Variants in POLG observed in about 807,000 individuals in gnomAD.
The protein encoded by POLG is DNA polymerase gamma, catalytic subunit, also known as DNA polymerase subunit gamma-1.
POLG carries 110 observed loss-of-function variants against 155.4 expected under a neutral mutation model. The observed-to-expected ratio is 0.71, with a 90% CI of 0.61 to 0.83. The LOEUF (loss-of-function observed/expected upper bound fraction) is 0.83. Ranked by LOEUF, POLG falls within the 40% of genes least tolerant of loss-of-function variation. POLG has a pLI of 0.00. For synonymous variants in POLG, 701 were observed against 631.5 expected, an observed-to-expected ratio of 1.11 and a Z score of -1.65; for missense variants, 1,685 against 1,627.5, an observed-to-expected ratio of 1.04 and a Z score of -0.61.
chr15:89,318,913 C>G lies in POLG; in HGVS notation c.3273+18G>C, dbSNP rs1172809871. The G allele has an allele frequency of 6.2e-7, 1 of 1,613,806 alleles. No homozygotes were observed. Among genetic ancestry groups the G allele is most frequent in the Admixed American group, 1.7e-5 (1 of 60,008 alleles). On this transcript the variant is annotated intron_variant, in intron 20 of 22. Transcript: ENST00000268124. ...TCCCTGGGGCCCCTCTGCCCATGCTCCAAAGGTAGCAAGATACCTCTTCCT... is the reference window on the plus strand; with the variant it reads ...TCCCTGGGGCCCCTCTGCCCATGCTGCAAAGGTAGCAAGATACCTCTTCCT...
rs2055634058 is a variant in POLG, at chr15:89,333,848, C to G, written c.-94G>C. 1.4e-6 allele frequency: 2 copies of G among 1,417,582 alleles called. No individual in the cohort carries two copies. Among genetic ancestry groups the G allele is most frequent in the Non-Finnish European group, 1.9e-6 (2 of 1,040,970 alleles). The allele number at this position is 1,417,582 out of a possible 1,614,324, so 87.8% of individuals were successfully genotyped here. ...ACTGGCTGGAAGACGTGGAGAGAGA[C>G]ACGTCCTGTCTCTGCTCTCCTGTCA... On this transcript the variant is annotated 5_prime_UTR_variant, in exon 2 of 23. Coordinates refer to ENST00000268124, the MANE Select transcript of POLG (RefSeq NM_002693.3).
In POLG at chr15:89,333,557, G is replaced by A. The variant is rs2055624992; in HGVS notation, c.198C>T (p.Gly66=). 2 of 1,611,088 alleles carry A rather than the reference G, an allele frequency of 1.2e-6. No homozygotes were observed. The highest frequency in any genetic ancestry group is 1.7e-6 in the Non-Finnish European group (2 of 1,178,904). Residue 66 remains glycine, a synonymous_variant, in exon 2 of 23, where the codon GGC becomes GGT. Transcript: ENST00000268124. ...CCAATGGGTTGTGCCGCAGCTGCCC[G>A]CCCTCCGAGGATAGCACTTGCGGCT... The part of the protein sequence containing the change: ...PQQPQVLSSE[G]GQLRHNPLDI...
Position 89,333,744 on chromosome 15 carries a change from AG to A in POLG, c.10del (p.Leu4CysfsTer262). 6.5e-7 allele frequency: 1 copy of A among 1,535,356 alleles called. No homozygotes were observed. The highest frequency in any genetic ancestry group is 8.7e-7 in the Non-Finnish European group (1 of 1,146,482). Reference sequence around the variant, plus strand: ...GGCGCCGGCCACCTTCCTCCAGAGCAGGCGGCTCATGGTTGGTGCAGGGACC... The same window carrying A: ...GGCGCCGGCCACCTTCCTCCAGAGCAGCGGCTCATGGTTGGTGCAGGGACC... MSRLLWRKVAGATV... is the reference protein window; with the variant it reads MSRXLWRKVAGATV... On this transcript the variant is annotated frameshift_variant, in exon 2 of 23. Transcript: ENST00000268124. LOFTEE classifies it high-confidence loss of function.
chr15:89,333,389 G>C lies in POLG; in HGVS notation c.366C>G (p.Asp122Glu), dbSNP rs1156969508. 8.2e-6 allele frequency: 13 copies of C among 1,588,120 alleles called. No individual in the cohort carries two copies. Among genetic ancestry groups the C allele is most frequent in the Admixed American group, 1.7e-5 (1 of 57,262 alleles). ...LWGQPAVPLP[D>E]VELRLPPLYG... ...AGAGGGGCGGCAGGCGCAGCTCCACGTCGGGCAAGGGCACGGCTGGCTGCC... is the reference window on the plus strand; with the variant it reads ...AGAGGGGCGGCAGGCGCAGCTCCACCTCGGGCAAGGGCACGGCTGGCTGCC... Residue 122 changes from aspartate to glutamate, a missense_variant, in exon 2 of 23, where the codon GAC (aspartate) becomes GAG (glutamate). Around this residue, in one of 3 missense-constraint regions of POLG, gnomAD observed 1,210 missense variants for 1,167.1 expected, o/e 1.04. Coordinates refer to ENST00000268124, the MANE Select transcript of POLG (RefSeq NM_002693.3).
In POLG at chr15:89,321,846, C is replaced by T. The variant is rs760641207; in HGVS notation, c.2488G>A (p.Asp830Asn). 14 of 1,613,632 alleles carry T rather than the reference C, an allele frequency of 8.7e-6. No homozygotes were observed. The African/African-American group carries it at 1.2e-4, about 14-fold the overall frequency. ...CCATAGAGGCCTTCCTCATCATAGTCGGGGTGCCTGGTGGGGTGCAGGGGA... is the reference window on the plus strand; with the variant it reads ...CCATAGAGGCCTTCCTCATCATAGTTGGGGTGCCTGGTGGGGTGCAGGGGA... ...ALPRAVIRHPDYDEEGLYGAI... is the reference protein window; with the variant it reads ...ALPRAVIRHPNYDEEGLYGAI... The change falls in exon 16 of 23, where the codon GAC becomes AAC. Residue 830 changes from aspartate (D) to asparagine (N), a missense_variant. Asp to Asn is a conservative substitution (Grantham distance 23, BLOSUM62 1). Transcript: ENST00000268124.
intron 13 of POLG, 46 bp downstream of exon 13, chr15:89,323,358 G>T: frequency 1.6e-6 from 2 of 1,254,092 alleles, no homozygotes; most frequent in Non-Finnish European, 2.3e-6. Flanking sequence ...TGGGCCTTGA[G>T]CAGAATGAGG....
At position 89,316,820 on chromosome 15, in the gene POLG, C is replaced by A. The variant is rs775048930; in HGVS notation, c.3651G>T (p.Ala1217=). ...GTTCAATTATCTGGTAAATATCCAG[C>A]GCTTCACCTGAAAGATAGTGCAAAT... ...ERRYGIPQGE[A]LDIYQIIELT... The change falls in exon 23 of 23, where the codon GCG becomes GCT. Residue 1217 remains alanine (A), a synonymous_variant. Coordinates refer to ENST00000268124, the MANE Select transcript of POLG (RefSeq NM_002693.3). 6.2e-7 allele frequency: 1 copy of A among 1,613,160 alleles called. No homozygotes were observed. The highest frequency in any genetic ancestry group is 8.5e-7 in the Non-Finnish European group (1 of 1,179,260).
intron 16 of POLG, 83 bp from the exon 17 acceptor site, chr15:89,321,343 T>A: frequency 6.7e-7 from 1 of 1,489,878 alleles, no homozygotes; most frequent in Non-Finnish European, 9.3e-7. Context: ...AGCTAGAGCC[T>A]TTCCTGAGGG....
In POLG at chr15:89,326,548, G is replaced by T. The variant is rs1191036185; in HGVS notation, c.1712+64C>A. 2.5e-6 allele frequency: 4 copies of T among 1,585,744 alleles called. No individual in the cohort carries two copies. In the East Asian group the frequency reaches 6.7e-5, roughly 27 times the overall value. The stretch of plus-strand genomic sequence containing the variant: ...GCCTCTGTGCCAGAACCCAGACCAG[G>T]GCTGTCCTGAGAATGGAGCAAGGGT... On this transcript the variant is annotated intron_variant, in intron 9 of 22. Coordinates refer to ENST00000268124, the MANE Select transcript of POLG (RefSeq NM_002693.3).
intron 18 of POLG, among the ~76,000 whole-genome samples, chr15:89,320,527 A>G (rs2055379022): frequency 6.6e-6 from 1 of 152,244 alleles, no homozygotes; most frequent in African/African-American, 2.4e-5. Context: ...ACTTGGTAAC[A>G]GTATACCAAA....
At chr15:89,317,103 C>A in intron 22 of POLG, 1 of 591,612 alleles carries the variant, frequency 1.7e-6, no homozygotes, top group Non-Finnish European at 3.0e-6. Flanking sequence ...CAAGAATGCA[C>A]TCTATAGAAT....
At position 89,324,091 on chromosome 15, in the gene POLG, C is replaced by G. The variant is rs2152063342; in HGVS notation, c.2070+16G>C. The G allele has an allele frequency of 6.2e-7, 1 of 1,613,950 alleles. No homozygotes were observed. The highest frequency in any genetic ancestry group is 2.2e-5 in the East Asian group (1 of 44,890). The stretch of plus-strand genomic sequence containing the variant: ...ACCTCCCCTCCCCAAAGCTCAGGTT[C>G]AGAGCCTGCCCTCACCGTTTGCCAT... On this transcript the variant is annotated intron_variant, in intron 11 of 22. Transcript: ENST00000268124.
chr15:89,333,630 C>T lies in POLG; in HGVS notation c.125G>A (p.Arg42Gln), dbSNP rs74382477. Residue 42 changes from arginine to glutamine, a missense_variant, in exon 2 of 23, where the codon CGG becomes CAG. Around this residue, in one of 3 missense-constraint regions of POLG, gnomAD observed 1,210 missense variants for 1,167.1 expected, o/e 1.04. Coordinates refer to ENST00000268124, the MANE Select transcript of POLG (RefSeq NM_002693.3). ...ASDPSDGQRR[R>Q]QQQQQQQQQQ... ...CTGCTGCTGCTGCTGCTGCTGCTGCCGCCGCCGCTGCCCGTCGCTGGGGTC... is the reference window on the plus strand; with the variant it reads ...CTGCTGCTGCTGCTGCTGCTGCTGCTGCCGCCGCTGCCCGTCGCTGGGGTC... 47 of 1,423,618 alleles carry T rather than the reference C, an allele frequency of 3.3e-5. No individual in the cohort carries two copies. Among genetic ancestry groups the T allele is most frequent in the Admixed American group, 1.3e-4 (7 of 55,258 alleles). 88.2% of individuals were successfully genotyped at this position (1,423,618 alleles called of 1,614,324 possible).
chr15:89,318,910 G>A, intron 20 of POLG, 21 bp downstream of exon 20: 2 of 1,613,748 alleles, frequency 1.2e-6, no homozygotes, highest in Non-Finnish European at 1.7e-6. Context: ...CTCTGCCCAT[G>A]CTCCAAAGGT....
Position 89,324,186 on chromosome 15 carries a change from C to G in POLG, c.1991G>C (p.Gly664Ala), listed in dbSNP as rs773073959. The G allele has an allele frequency of 3.7e-6, 6 of 1,613,724 alleles. No homozygotes were observed. The change falls in exon 11 of 23, where the codon GGG (glycine) becomes GCG (alanine). Residue 664 changes from glycine (G) to alanine (A), a missense_variant. Transcript: ENST00000268124. ...SLYRKHCLEQGKQQLMPQEAG... is the reference protein window; with the variant it reads ...SLYRKHCLEQAKQQLMPQEAG... ...CTCCTGGGGCATCAGCTGCTGCTTC[C>G]CCTGTTCGAGACAGTGCTTCCTGTA...
In POLG at chr15:89,321,241, T is replaced by C; in HGVS notation, c.2618A>G (p.Glu873Gly). Residue 873 changes from glutamate to glycine, a missense_variant, in exon 17 of 23, where the codon GAG becomes GGG. By Grantham distance (98) the Glu-to-Gly change is moderately conservative. Coordinates refer to ENST00000268124, the MANE Select transcript of POLG (RefSeq NM_002693.3). ...TGGGGCCTGCACCATGGCTTTCAAC[T>C]CACTGCCTACTCGGTCAGGCTGTGG... ...SNARPDRVGSELKAMVQAPPG... is the reference protein window; with the variant it reads ...SNARPDRVGSGLKAMVQAPPG... 1 of 1,614,144 alleles carries C rather than the reference T, an allele frequency of 6.2e-7. No homozygotes were observed. Among genetic ancestry groups the C allele is most frequent in the Non-Finnish European group, 8.5e-7 (1 of 1,180,000 alleles).
In POLG at chr15:89,318,622, T is replaced by G; in HGVS notation, c.3401A>C (p.His1134Pro). The G allele has an allele frequency of 1.2e-6, 2 of 1,614,184 alleles. No individual in the cohort carries two copies. Residue 1134 changes from histidine (H) to proline (P), a missense_variant, in exon 21 of 23, where the codon CAT (histidine) becomes CCT (proline). Physicochemically the swap from His to Pro is moderately conservative, Grantham distance 77. This residue lies in a region of POLG where 470 missense variants were observed against 439.9 expected (regional missense o/e 1.07). Coordinates refer to ENST00000268124, the MANE Select transcript of POLG (RefSeq NM_002693.3). The part of the protein sequence containing the change: ...AIDGRFCISI[H>P]DEVRYLVREE... ...CCGCACCAGGTAGCGAACCTCGTCA[T>G]GGATGCTGATGCAGAAGCGCCCATC... is the stretch of plus-strand genomic sequence containing the variant.
In POLG at chr15:89,325,081, TGAGAGAGTGAGTGAGTGAGA is replaced by T. The variant is rs1567189176; in HGVS notation, c.1949+349_1949+368del. On this transcript the variant is annotated intron_variant, in intron 10 of 22. Coordinates refer to ENST00000268124, the MANE Select transcript of POLG (RefSeq NM_002693.3). ...GAGAGTGAGTGAGTGAGTGAGTGAG[TGAGAGAGTGAGTGAGTGAGA>T]GAGTGAGAGAGAGTGAGTGAGTGAG... Among the ~76,000 whole-genome samples the T allele has an allele frequency of 4.6e-5, 2 of 43,238 alleles. 1 individual carries two copies. The highest frequency in any genetic ancestry group is 1.8e-4 in the African/African-American group (2 of 10,862). 28.4% of individuals were successfully genotyped at this position (43,238 alleles called of 152,430 possible). A position where few individuals can be genotyped will look rare whatever the true frequency, so the allele number is the denominator to read the frequency against.
chr15:89,333,588 GGCTGCTGTTGCTGCTGCTGCT>G lies in POLG; in HGVS notation c.146_166del (p.Gln49_Gln55del). 6.2e-7 allele frequency: 1 copy of G among 1,604,890 alleles called. No individual in the cohort carries two copies. Among genetic ancestry groups the G allele is most frequent in the Non-Finnish European group, 8.5e-7 (1 of 1,176,630 alleles). On this transcript the variant is annotated inframe_deletion, in exon 2 of 23. Coordinates refer to ENST00000268124, the MANE Select transcript of POLG (RefSeq NM_002693.3). ...CGAGGATAGCACTTGCGGCTGCTGA[GGCTGCTGTTGCTGCTGCTGCT>G]GCTGCTGCTGCTGCTGCTGCCGCCG...
Sources: allele counts gnomAD v4.1 joint callset (sites outside exome capture counted in the v4.1 genomes callset), GRCh38; gene constraint gnomAD v4.1.1; regional missense constraint gnomAD v4.1.1; transcripts MANE v1.5; gene names NCBI Gene and HGNC (gene_info 2026-07-23, HGNC 2026-07-21).